Variants in UBN2 observed in about 807,000 individuals in gnomAD.
UBN2 encodes the protein ubinuclein 2, also known as ubinuclein-2.
In UBN2, 35 loss-of-function variants were observed where a neutral mutation model predicts 120.2. That is an observed-to-expected ratio of 0.29 (90% CI 0.22 to 0.39). The LOEUF is 0.39. Ranked by LOEUF, UBN2 falls within the 10% of genes least tolerant of loss-of-function variation. The pLI is 1.00. For synonymous variants in UBN2, 661 were observed against 648.7 expected (o/e 1.02, Z -0.29); for missense variants, 1,693 against 1,663.2 (o/e 1.02, Z -0.31).
chr7:139,252,885 C>G (rs976798162), intron 3 of UBN2, among the ~76,000 whole-genome samples: 3 of 152,046 alleles, frequency 2.0e-5, no homozygotes, highest in African/African-American at 7.2e-5. Flanking sequence ...TGTCTTAACT[C>G]AGACTTAAGG....
At chr7:139,248,674 G>C (rs754818252) in intron 2 of UBN2, among the ~76,000 whole-genome samples, 1 of 151,588 alleles carries the variant, frequency 6.6e-6, no homozygotes, top group Non-Finnish European at 1.5e-5. Flanking sequence ...AAAATATTTC[G>C]TATGTGGCAG....
chr7:139,240,119 G>A (rs1269627160), intron 2 of UBN2, among the ~76,000 whole-genome samples: 1 of 152,060 alleles, frequency 6.6e-6, no homozygotes, highest in Non-Finnish European at 1.5e-5. Context: ...TGTTTACAGT[G>A]ATAAAATATT....
chr7:139,323,112 A>G, the UBN2 span, among the ~76,000 whole-genome samples: 2 of 152,188 alleles, frequency 1.3e-5, no homozygotes, highest in African/African-American at 4.8e-5. Flanking sequence ...AGACCTTCAA[A>G]TAACAGAAAC....
chr7:139,275,523 C>T (rs1278842960), intron 11 of UBN2, among the ~76,000 whole-genome samples: 3 of 150,788 alleles, frequency 2.0e-5, no homozygotes, highest in African/African-American at 7.3e-5. Flanking sequence ...GCGGAGGTTG[C>T]AGTGAGCTGA....
chr7:139,231,555 G>C lies in UBN2; in HGVS notation c.71G>C (p.Gly24Ala), dbSNP rs1441102023. Residue 24 changes from glycine (G) to alanine (A), a missense_variant, in exon 1 of 18, where the codon GGG becomes GCG. Transcript: ENST00000473989. Reference protein sequence around the residue: ...PVRRREAEYPGPEREPEYPRE... With the variant: ...PVRRREAEYPAPEREPEYPRE... ...CGGCGGCGCGAGGCCGAGTACCCGG[G>C]GCCCGAGCGTGAGCCCGAGTACCCC... 3.5e-6 allele frequency: 5 copies of C among 1,418,886 alleles called. No homozygotes were observed. The highest frequency in any genetic ancestry group is 4.6e-6 in the Non-Finnish European group (5 of 1,077,250). 87.9% of individuals were successfully genotyped at this position (1,418,886 alleles called of 1,614,324 possible). A position where few individuals can be genotyped will look rare whatever the true frequency, so the allele number is the denominator to read the frequency against.
Position 139,293,909 on chromosome 7 carries a change from C to A in UBN2, c.3922C>A (p.Pro1308Thr). The A allele has an allele frequency of 6.2e-7, 1 of 1,614,046 alleles. No homozygotes were observed. The highest frequency in any genetic ancestry group is 8.5e-7 in the Non-Finnish European group (1 of 1,179,956). ...CTCAGATTTACTAAAGGGTTTACAG[C>A]CAGGAGGAGCTCAGCATGCAGCAAC... is the stretch of plus-strand genomic sequence containing the variant. Reference protein sequence around the residue: ...LTQNLLKGLQPGGAQHAATLS... With the variant: ...LTQNLLKGLQTGGAQHAATLS... The change falls in exon 17 of 18, where the codon CCA becomes ACA. Residue 1308 changes from proline (P) to threonine (T), a missense_variant. Coordinates refer to ENST00000473989, the MANE Select transcript of UBN2 (RefSeq NM_173569.4).
chr7:139,303,830 A>G lies in UBN2; in HGVS notation c.*5994A>G, dbSNP rs1015500189. ...AACATTATCTTTGAGGTGGGATAAAATGTTTAGTTTCAGGTTAACAAGGGA... is the reference window on the plus strand; with the variant it reads ...AACATTATCTTTGAGGTGGGATAAAGTGTTTAGTTTCAGGTTAACAAGGGA... On this transcript the variant is annotated 3_prime_UTR_variant, in exon 18 of 18. Coordinates refer to ENST00000473989, the MANE Select transcript of UBN2 (RefSeq NM_173569.4). 6.6e-6 allele frequency: 1 copy of G among 152,204 alleles called. No individual in the cohort carries two copies. Among genetic ancestry groups the G allele is most frequent in the Non-Finnish European group, 1.5e-5 (1 of 68,028 alleles). The allele number at this position is 152,204 out of a possible 1,614,324, so 9.4% of individuals were successfully genotyped here. A position where few individuals can be genotyped will look rare whatever the true frequency, so the allele number is the denominator to read the frequency against.
At chr7:139,313,034 A>G (rs937679482), downstream of UBN2, among the ~76,000 whole-genome samples, 1 of 151,794 alleles carries the variant, frequency 6.6e-6, no homozygotes, top group Non-Finnish European at 1.5e-5. Context: ...TTCTATTACC[A>G]TAGACTTAAA....
At chr7:139,310,362 G>T (rs748080636), downstream of UBN2, among the ~76,000 whole-genome samples, 4 of 151,980 alleles carry the variant, frequency 2.6e-5, no homozygotes, top group Non-Finnish European at 4.4e-5. Flanking sequence ...AGTACATGGG[G>T]ATCTAATGCG....
chr7:139,233,611 T>A (rs1796085961), intron 1 of UBN2, among the ~76,000 whole-genome samples: 1 of 152,144 alleles, frequency 6.6e-6, no homozygotes, highest in African/African-American at 2.4e-5. Context: ...TCCATAGTGA[T>A]ACAATTTGTT....
intron 7 of UBN2, 67 bp downstream of exon 7, chr7:139,266,470 A>T: frequency 1.1e-6 from 1 of 899,456 alleles, no homozygotes; most frequent in Non-Finnish European, 1.7e-6. Flanking sequence ...TAGGCCTTTG[A>T]GATACTGAGT....
At chr7:139,315,835 G>A in the UBN2 span, among the ~76,000 whole-genome samples, 1 of 152,040 alleles carries the variant, frequency 6.6e-6, no homozygotes, top group Non-Finnish European at 1.5e-5. Context: ...TCAGCACTTT[G>A]GGGGGCAGAG....
At chr7:139,285,831 T>C in intron 15 of UBN2, among the ~76,000 whole-genome samples, 1 of 152,106 alleles carries the variant, frequency 6.6e-6, no homozygotes, top group East Asian at 1.9e-4. Flanking sequence ...CAACCTCCGC[T>C]TCTCGGGTTC....
At chr7:139,316,539 G>A in the UBN2 span, among the ~76,000 whole-genome samples, 4 of 152,216 alleles carry the variant, frequency 2.6e-5, no homozygotes, top group Non-Finnish European at 4.4e-5. Context: ...AGGCCAAGGC[G>A]GGCAGATCAG....
chr7:139,309,151 G>A (rs184051275), downstream of UBN2, among the ~76,000 whole-genome samples: 6 of 152,352 alleles, frequency 3.9e-5, no homozygotes, highest in Admixed American at 3.9e-4. Flanking sequence ...GAATATAAGT[G>A]TACGTGTGAT....
intron 16 of UBN2, 62 bp downstream of exon 16, chr7:139,293,525 A>T: frequency 7.2e-7 from 1 of 1,388,086 alleles, no homozygotes; most frequent in Non-Finnish European, 1.0e-6. Context: ...AACCTCACAA[A>T]TTTATTCTAA....
intron 2 of UBN2, among the ~76,000 whole-genome samples, chr7:139,240,163 T>G (rs954664101): frequency 5.3e-5 from 8 of 152,100 alleles, no homozygotes; most frequent in Non-Finnish European, 8.8e-5. Context: ...TGGGCTATAT[T>G]TCTTCTCTGG....
rs1433753040 is a variant in UBN2 at position 139,231,775 on chromosome 7, G to A, written c.291G>A (p.Pro97=). 3.1e-6 allele frequency: 4 copies of A among 1,272,522 alleles called. No individual in the cohort carries two copies. The highest frequency in any genetic ancestry group is 3.9e-6 in the Non-Finnish European group (4 of 1,015,220). The allele number at this position is 1,272,522 out of a possible 1,614,324, so 78.8% of individuals were successfully genotyped here. The change falls in exon 1 of 18, where the codon CCG becomes CCA. Residue 97 remains proline, a synonymous_variant. Transcript: ENST00000473989. ...QREPPRPEPP[P]PFPPLPLQPP... ...AGCCCCCGCGGCCCGAGCCGCCGCC[G>A]CCGTTCCCGCCGCTGCCCTTGCAGC...
At chr7:139,258,804 C>T (rs905040940) in intron 4 of UBN2, among the ~76,000 whole-genome samples, 179 bp downstream of exon 4, 2 of 151,988 alleles carry the variant, frequency 1.3e-5, no homozygotes, top group African/African-American at 2.4e-5. Flanking sequence ...TTGGTATTTA[C>T]ATCATAGAAT....
Sources: allele counts gnomAD v4.1 joint callset (sites outside exome capture counted in the v4.1 genomes callset), GRCh38; gene constraint gnomAD v4.1.1; transcripts MANE v1.5; gene names NCBI Gene and HGNC (gene_info 2026-07-23, HGNC 2026-07-21).